The following NMUR1 variants were observed in gnomAD, a reference collection of about 807,000 sequenced individuals.
NMUR1 encodes the protein neuromedin-U receptor 1.
A neutral mutation model predicts 18.8 loss-of-function variants in NMUR1; 16 were observed. The ratio of observed to expected loss-of-function variants is 0.85; its 90% CI spans 0.58 to 1.29. NMUR1 has a LOEUF of 1.29. Among genes scored for constraint, NMUR1 ranks in the 50% most tolerant of loss-of-function variants. NMUR1 has a pLI of 0.00. For synonymous variants in NMUR1, 258 were observed against 258.2 expected (o/e 1.00, Z 0.01); for missense variants, 529 against 580.3 (o/e 0.91, Z 0.91).
intron 1 of NMUR1, 89 bp from the exon 2 acceptor site, chr2:231,529,106 G>C (rs754104936): frequency 1.6e-6 from 2 of 1,261,700 alleles, no homozygotes; most frequent in Non-Finnish European, 2.1e-6. Flanking sequence ...TGACATTAGC[G>C]CTATGATGAC....
Position 231,528,450 on chromosome 2 carries a change from G to A in NMUR1, c.571C>T (p.Leu191Phe), listed in dbSNP as rs985672824. ...AGGCTGGTGTTGGGCAGGGAGCAGA[G>A]CATGGCAAGACCCCAGACGGCCCCA... ...VLGAVWGLAM[L>F]CSLPNTSLHG... The change falls in exon 2 of 3, where the codon CTC becomes TTC. Residue 191 changes from leucine to phenylalanine, a missense_variant. Coordinates refer to ENST00000305141, the MANE Select transcript of NMUR1 (RefSeq NM_006056.5). 8 of 1,613,578 alleles carry A rather than the reference G, an allele frequency of 5.0e-6. No individual in the cohort carries two copies. The African/African-American group carries it at 5.3e-5, about 11-fold the overall frequency.
downstream of NMUR1, among the ~76,000 whole-genome samples, chr2:231,518,810 T>G (rs1387965889): frequency 6.6e-6 from 1 of 152,146 alleles, no homozygotes; most frequent in Non-Finnish European, 1.5e-5. Context: ...TGCTTTGCTT[T>G]TGTGTGTGCC....
At chr2:231,526,392 A>AAGGG (rs1367099900) in intron 2 of NMUR1, among the ~76,000 whole-genome samples, 1 of 152,026 alleles carries the variant, frequency 6.6e-6, no homozygotes, top group Non-Finnish European at 1.5e-5. Context: ...GAAAGTGGAC[A>AAGGG]AGGGAGGGAG....
chr2:231,521,743 C>T (rs13413289), downstream of NMUR1, among the ~76,000 whole-genome samples: 13,752 of 152,108 alleles, frequency 0.09, 731 homozygotes, highest in Middle Eastern at 0.16. Flanking sequence ...ATGGAGGCCT[C>T]CTGACCTGGG....
Position 231,523,907 on chromosome 2 carries a change from T to C in NMUR1, c.*1136A>G, listed in dbSNP as rs533486123. 2.0e-5 allele frequency: 3 copies of C among 152,612 alleles called. No individual in the cohort carries two copies. Among genetic ancestry groups the C allele is most frequent in the Non-Finnish European group, 4.4e-5 (3 of 68,072 alleles). The allele number at this position is 152,612 out of a possible 1,614,324, so 9.5% of individuals were successfully genotyped here. A position where few individuals can be genotyped will look rare whatever the true frequency, so the allele number is the denominator to read the frequency against. ...CCATGTCTCTTGCCCTCAGAGACCC[T>C]CTGGCCAGCCAAGTCCAATGCTCTG... is the stretch of plus-strand genomic sequence containing the variant. On this transcript the variant is annotated 3_prime_UTR_variant, in exon 3 of 3. Coordinates refer to ENST00000305141, the MANE Select transcript of NMUR1 (RefSeq NM_006056.5).
chr2:231,529,078 C>T, intron 1 of NMUR1, 61 bp from the exon 2 acceptor site: 2 of 1,484,732 alleles, frequency 1.3e-6, no homozygotes, highest in Non-Finnish European at 1.8e-6. Context: ...GCTCTGTCCT[C>T]ACTCATCAAG....
chr2:231,522,756 T>G (rs1212631835), downstream of NMUR1, among the ~76,000 whole-genome samples: 1 of 152,062 alleles, frequency 6.6e-6, no homozygotes, highest in Non-Finnish European at 1.5e-5. Flanking sequence ...ATCCACTCTC[T>G]GGCCTCCACG....
intron 2 of NMUR1, among the ~76,000 whole-genome samples, chr2:231,525,947 C>T (rs2047352433): frequency 8.8e-6 from 1 of 113,650 alleles, no homozygotes; most frequent in South Asian, 3.0e-4. Context: ...CACATGCATG[C>T]ACACACACAG....
chr2:231,520,673 G>A (rs2047296950), downstream of NMUR1, among the ~76,000 whole-genome samples: 1 of 152,208 alleles, frequency 6.6e-6, no homozygotes, highest in Non-Finnish European at 1.5e-5. Context: ...ACAAGAACCT[G>A]ATGGATCCAT....
At chr2:231,527,171 C>T (rs979086335) in intron 2 of NMUR1, among the ~76,000 whole-genome samples, 2 of 152,118 alleles carry the variant, frequency 1.3e-5, no homozygotes, top group East Asian at 3.9e-4. Context: ...TGCACCTCGG[C>T]ATCCTGCCAC....
chr2:231,520,636 A>C (rs973515897), downstream of NMUR1, among the ~76,000 whole-genome samples: 10 of 152,218 alleles, frequency 6.6e-5, no homozygotes, highest in Non-Finnish European at 1.5e-4. Flanking sequence ...GTGCTGCTGA[A>C]GCCAGCACGC....
At chr2:231,526,285 T>C (rs1203056794) in intron 2 of NMUR1, among the ~76,000 whole-genome samples, 1 of 152,168 alleles carries the variant, frequency 6.6e-6, no homozygotes, top group Non-Finnish European at 1.5e-5. Context: ...GTCTTCCCCA[T>C]CATACCCTAG....
chr2:231,529,789 G>A (rs2047397304), intron 1 of NMUR1, among the ~76,000 whole-genome samples: 1 of 152,180 alleles, frequency 6.6e-6, no homozygotes, highest in South Asian at 2.1e-4. Context: ...GAGGATCCAG[G>A]GAGTTTAATC....
chr2:231,527,637 CAAAAAAAAAAAAA>C (rs10522812), intron 2 of NMUR1, among the ~76,000 whole-genome samples: 19 of 99,974 alleles, frequency 1.9e-4, no homozygotes, highest in Admixed American at 8.3e-4. Context: ...GACCCTGTCT[CAAAAAAAAAAAAA>C]AAAAAAAAAA....
chr2:231,529,515 AAC>A (rs1304155419), intron 1 of NMUR1, among the ~76,000 whole-genome samples: 2 of 151,840 alleles, frequency 1.3e-5, no homozygotes, highest in Non-Finnish European at 1.5e-5. Context: ...AAAAAAAAAA[AAC>A]ACGTGGGGTT....
At position 231,523,460 on chromosome 2, in the gene NMUR1, G is replaced by C. The variant is rs2047323505; in HGVS notation, c.*1583C>G. ...AGAGAGGTTTTACATTTTTAAAATT[G>C]TTTTCATTTTTGCTTATTTGCACTT... On this transcript the variant is annotated 3_prime_UTR_variant, in exon 3 of 3. Coordinates refer to ENST00000305141, the MANE Select transcript of NMUR1 (RefSeq NM_006056.5). The C allele has an allele frequency of 2.5e-5, 8 of 319,508 alleles. No homozygotes were observed. The Admixed American group carries it at 3.1e-4, about 12-fold the overall frequency. The allele number at this position is 319,508 out of a possible 1,614,324, so 19.8% of individuals were successfully genotyped here.
chr2:231,524,851 G>T lies in NMUR1; in HGVS notation c.*192C>A, dbSNP rs994165274. ...AAGCACAAGGTGTGGCGTCTGGTCA[G>T]TGTGAGTCCTCAGCAGTCAGGGATC... On this transcript the variant is annotated 3_prime_UTR_variant, in exon 3 of 3. Coordinates refer to ENST00000305141, the MANE Select transcript of NMUR1 (RefSeq NM_006056.5). 2 of 642,994 alleles carry T rather than the reference G, an allele frequency of 3.1e-6. No individual in the cohort carries two copies. The highest frequency in any genetic ancestry group is 5.1e-6 in the Non-Finnish European group (2 of 393,682). The allele number at this position is 642,994 out of a possible 1,614,324, so 39.8% of individuals were successfully genotyped here.
chr2:231,526,491 C>G (rs1444602023), intron 2 of NMUR1, among the ~76,000 whole-genome samples: 2 of 152,212 alleles, frequency 1.3e-5, no homozygotes, highest in Non-Finnish European at 2.9e-5. Flanking sequence ...CTCTGCCCAC[C>G]CATGTTTTCA....
chr2:231,530,058 G>T (rs913614073), intron 1 of NMUR1, among the ~76,000 whole-genome samples: 1 of 152,134 alleles, frequency 6.6e-6, no homozygotes, highest in Non-Finnish European at 1.5e-5. Flanking sequence ...CCTCCCGCCC[G>T]CCCTCACCCC....
Sources: allele counts gnomAD v4.1 joint callset (sites outside exome capture counted in the v4.1 genomes callset), GRCh38; gene constraint gnomAD v4.1.1; transcripts MANE v1.5; gene names NCBI Gene and HGNC (gene_info 2026-07-23, HGNC 2026-07-21).